The following GARRE1 variants were observed in gnomAD, a reference collection of about 807,000 sequenced individuals.
The protein encoded by GARRE1 is granule associated Rac and RHOG effector 1, also known as granule associated Rac and RHOG effector protein 1.
Under a neutral mutation model 103.2 loss-of-function variants are expected in GARRE1, and 49 were observed. The ratio of observed to expected loss-of-function variants is 0.47; its 90% CI spans 0.38 to 0.60. GARRE1 has a LOEUF of 0.60. Among genes scored for constraint, GARRE1 ranks in the 20% least tolerant of loss-of-function variants. The probability of loss-of-function intolerance (pLI) is 0.00; values close to 1 mark genes in which losing one functional copy is unlikely to be tolerated. For synonymous variants in GARRE1, 505 were observed against 532.8 expected (o/e 0.95, Z 0.72); for missense variants, 1,199 against 1,370.5 (o/e 0.87, Z 1.98).
At chr19:34,278,646 C>A (rs1353857038) in intron 1 of GARRE1, among the ~76,000 whole-genome samples, 1 of 151,866 alleles carries the variant, frequency 6.6e-6, no homozygotes, top group East Asian at 1.9e-4. Context: ...AAGGTTCATC[C>A]ATGTTGGAGC....
intron 8 of GARRE1, among the ~76,000 whole-genome samples, chr19:34,337,252 CAG>C (rs1182075983): frequency 1.3e-5 from 2 of 152,138 alleles, no homozygotes; most frequent in Non-Finnish European, 2.9e-5. Flanking sequence ...GCAAGACACA[CAG>C]GGTCCCTGCC....
chr19:34,296,218 C>T (rs867458858), intron 1 of GARRE1: 23 of 553,344 alleles, frequency 4.2e-5, no homozygotes, highest in African/African-American at 7.4e-5. Context: ...CCCATGCAGA[C>T]GGCAGCCCGA....
chr19:34,311,635 A>G (rs2074037310), intron 2 of GARRE1, among the ~76,000 whole-genome samples: 1 of 151,986 alleles, frequency 6.6e-6, no homozygotes, highest in Non-Finnish European at 1.5e-5. Context: ...TCTGAGATGT[A>G]GTTTCGCTCT....
chr19:34,264,489 C>T (rs1181510938), intron 1 of GARRE1, among the ~76,000 whole-genome samples: 2 of 151,998 alleles, frequency 1.3e-5, no homozygotes, highest in Non-Finnish European at 2.9e-5. Flanking sequence ...AGCTCTGCCT[C>T]CCCGGTTCAC....
intron 1 of GARRE1, among the ~76,000 whole-genome samples, chr19:34,258,784 C>T (rs1370176891): frequency 8.8e-5 from 11 of 125,336 alleles, no homozygotes; most frequent in Admixed American, 3.7e-4. Flanking sequence ...AGTAAGACTC[C>T]GTCTCAAAAA....
chr19:34,329,354 A>C (rs994479378), intron 6 of GARRE1, among the ~76,000 whole-genome samples: 1 of 152,358 alleles, frequency 6.6e-6, no homozygotes, highest in African/African-American at 2.4e-5. Flanking sequence ...TCAGAATTTC[A>C]GAATTCCTCA....
intron 2 of GARRE1, among the ~76,000 whole-genome samples, chr19:34,318,709 C>T (rs1452265680): frequency 6.6e-6 from 1 of 152,070 alleles, no homozygotes; most frequent in Non-Finnish European, 1.5e-5. Flanking sequence ...GGTTTGTGGT[C>T]AAGTTGCTTT....
intron 1 of GARRE1, among the ~76,000 whole-genome samples, chr19:34,268,054 G>T (rs911399832): frequency 1.3e-5 from 2 of 151,582 alleles, no homozygotes; most frequent in African/African-American, 4.8e-5. Flanking sequence ...TTAGAGGCGT[G>T]AACCACTGCA....
rs146773035 is a variant in GARRE1, at chr19:34,269,683, C to T, written c.-796+15069C>T. On this transcript the variant is annotated intron_variant, in intron 1 of 13. Coordinates refer to ENST00000299505, the MANE Select transcript of GARRE1 (RefSeq NM_014686.5). ...GCCCAAGTGATCCTCCTGCCTTGGCCGTCTGAAGTGTTAGGATTACAGTGT... is the reference window on the plus strand; with the variant it reads ...GCCCAAGTGATCCTCCTGCCTTGGCTGTCTGAAGTGTTAGGATTACAGTGT... Among the ~76,000 whole-genome samples the T allele has an allele frequency of 1.1e-4, 17 of 152,256 alleles. No individual in the cohort carries two copies. In the East Asian group the frequency reaches 2.1e-3, roughly 19 times the overall value.
At chr19:34,316,609 A>G (rs963314846) in intron 2 of GARRE1, among the ~76,000 whole-genome samples, 3 of 152,234 alleles carry the variant, frequency 2.0e-5, no homozygotes, top group African/African-American at 4.8e-5. Flanking sequence ...GTGGTTATGC[A>G]TCTGTTACTC....
Position 34,352,968 on chromosome 19 carries a change from CA to C in GARRE1, c.*14del. 1 of 1,454,356 alleles carries C rather than the reference CA, an allele frequency of 6.9e-7. No individual in the cohort carries two copies. The highest frequency in any genetic ancestry group is 9.0e-7 in the Non-Finnish European group (1 of 1,111,418). The allele number at this position is 1,454,356 out of a possible 1,614,324, so 90.1% of individuals were successfully genotyped here. ...GCCCCAGTACTGACCCCAGGCCAGC[CA>C]GCCTGCCTGCCTGCCTGCCTGCCCG... On this transcript the variant is annotated 3_prime_UTR_variant, in exon 14 of 14. Coordinates refer to ENST00000299505, the MANE Select transcript of GARRE1 (RefSeq NM_014686.5).
chr19:34,307,816 T>TATA lies in GARRE1; in HGVS notation c.495+6848_495+6849insATA, dbSNP rs1251034533. Among the ~76,000 whole-genome samples, 219 of 127,926 alleles carry TATA rather than the reference T, an allele frequency of 1.7e-3. 5 individuals carry two copies. The highest frequency in any genetic ancestry group is 4.4e-3 in the Admixed American group (52 of 11,900). The allele number at this position is 127,926 out of a possible 152,430, so 83.9% of individuals were successfully genotyped here. On this transcript the variant is annotated intron_variant, in intron 2 of 13. Transcript: ENST00000299505. Reference sequence around the variant, plus strand: ...ATAAAAAAAAAATATATATATATATTTTTTTTTTTTTTTAGAGATTAGGCC... The same window carrying TATA: ...ATAAAAAAAAAATATATATATATATTATATTTTTTTTTTTTTAGAGATTAGGCC...
rs33942697 is a variant in GARRE1 at position 34,321,050 on chromosome 19, C to CTTTTT, written c.705+954_705+958dup. Reference sequence around the variant, plus strand: ...TTAGCCACTGCACCCAGACAAGATTCTTTTTTTTTTTTTTTTTTTTTTTTG... The same window carrying CTTTTT: ...TTAGCCACTGCACCCAGACAAGATTCTTTTTTTTTTTTTTTTTTTTTTTTTTTTTG... On this transcript the variant is annotated intron_variant, in intron 3 of 13. Transcript: ENST00000299505. Among the ~76,000 whole-genome samples, 156 of 55,756 alleles carry CTTTTT rather than the reference C, an allele frequency of 2.8e-3. 12 individuals carry two copies. The highest frequency in any genetic ancestry group is 6.0e-3 in the South Asian group (6 of 998). The allele number at this position is 55,756 out of a possible 152,430, so 36.6% of individuals were successfully genotyped here.
chr19:34,255,947 T>G (rs1461719612), intron 1 of GARRE1, among the ~76,000 whole-genome samples: 1 of 151,898 alleles, frequency 6.6e-6, no homozygotes, highest in Non-Finnish European at 1.5e-5. Flanking sequence ...GTTCGAGCGA[T>G]TCTCCTGCTT....
intron 2 of GARRE1, among the ~76,000 whole-genome samples, chr19:34,303,509 G>A (rs2145244606): frequency 6.6e-6 from 1 of 152,362 alleles, no homozygotes; most frequent in East Asian, 1.9e-4. Context: ...TTTCTTAAGA[G>A]ACACAGCATC....
At chr19:34,319,142 G>T (rs912404004) in intron 2 of GARRE1, among the ~76,000 whole-genome samples, 1 of 152,200 alleles carries the variant, frequency 6.6e-6, no homozygotes, top group African/African-American at 2.4e-5. Context: ...GGCTGCCAGA[G>T]AAATGCACAA....
chr19:34,303,078 A>G (rs968398515), intron 2 of GARRE1, among the ~76,000 whole-genome samples: 3 of 152,198 alleles, frequency 2.0e-5, no homozygotes, highest in African/African-American at 7.2e-5. Flanking sequence ...TTATTCTTTT[A>G]GGGCTCTAGA....
chr19:34,354,146 A>G lies in GARRE1; in HGVS notation c.*1191A>G, dbSNP rs971876864. On this transcript the variant is annotated 3_prime_UTR_variant, in exon 14 of 14. Transcript: ENST00000299505. The stretch of plus-strand genomic sequence containing the variant: ...TATAAAACTTATTTAAATTTTTCAT[A>G]TTTCATCTTTGAAAAAGTCTGAGAA... 2 of 152,526 alleles carry G rather than the reference A, an allele frequency of 1.3e-5. No homozygotes were observed. The highest frequency in any genetic ancestry group is 2.4e-5 in the African/African-American group (1 of 41,440). The allele number at this position is 152,526 out of a possible 1,614,324, so 9.4% of individuals were successfully genotyped here.
chr19:34,281,177 G>A (rs1254053404), intron 1 of GARRE1, among the ~76,000 whole-genome samples: 1 of 152,148 alleles, frequency 6.6e-6, no homozygotes, highest in Admixed American at 6.5e-5. Context: ...CTGGAGTATA[G>A]TGGCGCCATG....
Sources: gnomAD v4.1 joint callset for allele counts (sites outside exome capture counted in the v4.1 genomes callset) on GRCh38, gnomAD v4.1.1 for gene constraint, MANE v1.5 for transcripts, NCBI Gene and HGNC (gene_info 2026-07-23, HGNC 2026-07-21) for gene names.